The following DYNC2H1 variants were observed in gnomAD, a reference collection of about 807,000 sequenced individuals.
DYNC2H1 encodes dynein cytoplasmic 2 heavy chain 1.
DYNC2H1 carries 410 observed loss-of-function variants against 570.0 expected under a neutral mutation model. The ratio of observed to expected loss-of-function variants is 0.72; its 90% confidence interval spans 0.66 to 0.78. DYNC2H1 has a LOEUF of 0.78. DYNC2H1 is among the 30% of genes least tolerant of loss of function. DYNC2H1 has a pLI of 0.00. For synonymous variants in DYNC2H1, 1,688 were observed against 1,677.6 expected (o/e 1.01, Z -0.15); for missense variants, 4,865 against 5,046.4 (o/e 0.96, Z 1.09).
chr11:103,256,378 G>A lies in DYNC2H1; in HGVS notation c.10461+138G>A. ...AGCTATTCAAAAACATCAGAACATT[G>A]GGTTTGATTCTAGTTATTGTAGAGA... is the stretch of plus-strand genomic sequence containing the variant. On this transcript the variant is annotated intron_variant, in intron 68 of 88. Coordinates refer to ENST00000375735, the MANE Select transcript of DYNC2H1 (RefSeq NM_001377.3). The surrounding 1 kb of genome is among the most constrained non-coding windows in gnomAD (Gnocchi z 4.0). 1 of 862,604 alleles carries A rather than the reference G, an allele frequency of 1.2e-6. No homozygotes were observed. The highest frequency in any genetic ancestry group is 1.9e-5 in the South Asian group (1 of 52,356). The allele number at this position is 862,604 out of a possible 1,614,324, so 53.4% of individuals were successfully genotyped here. A position where few individuals can be genotyped will look rare whatever the true frequency, so the allele number is the denominator to read the frequency against.
intron 46 of DYNC2H1, 23 bp downstream of exon 46, chr11:103,191,642 T>TTGTGTGTGTGTG (rs146014868): frequency 4.2e-5 from 58 of 1,368,472 alleles, no homozygotes; most frequent in South Asian, 4.0e-5. Context: ...AGTGTGTATC[T>TTGTGTGTGTGTG]TGTGTGTGTG....
chr11:103,131,612 T>C (rs1004220122), intron 13 of DYNC2H1, among the ~76,000 whole-genome samples: 1 of 152,168 alleles, frequency 6.6e-6, no homozygotes, highest in Non-Finnish European at 1.5e-5. Context: ...AGATTAGGTG[T>C]GCTGGTGACA....
chr11:103,376,875 T>A (rs1033130021), intron 83 of DYNC2H1, among the ~76,000 whole-genome samples: 1 of 152,236 alleles, frequency 6.6e-6, no homozygotes, highest in Non-Finnish European at 1.5e-5. Context: ...TCTTTATTTC[T>A]CCTTCATTTC....
intron 75 of DYNC2H1, among the ~76,000 whole-genome samples, chr11:103,288,813 G>A (rs762149525): frequency 1.8e-4 from 27 of 149,142 alleles, no homozygotes; most frequent in African/African-American, 3.2e-4. Context: ...CCCAGGAGGC[G>A]GAGGTTGCAA....
At chr11:103,116,779 CT>C in intron 5 of DYNC2H1, 65 bp downstream of exon 5, 1 of 1,424,500 alleles carries the variant, frequency 7.0e-7, no homozygotes, top group Non-Finnish European at 9.3e-7. Context: ...TCTTTTTATC[CT>C]TTAAGTCCTT....
At chr11:103,322,226 A>G (rs1161733042) in intron 81 of DYNC2H1, among the ~76,000 whole-genome samples, 2 of 152,134 alleles carry the variant, frequency 1.3e-5, no homozygotes, top group Non-Finnish European at 2.9e-5. Flanking sequence ...AGAACCTTAG[A>G]GGGAATGAAT....
In DYNC2H1 at chr11:103,439,113, AAGAT is replaced by A. The variant is rs1397081712; in HGVS notation, c.12456+3085_12456+3088del. Among the ~76,000 whole-genome samples the A allele has an allele frequency of 6.6e-6, 1 of 152,166 alleles. No homozygotes were observed. Among genetic ancestry groups the A allele is most frequent in the Non-Finnish European group, 1.5e-5 (1 of 68,022 alleles). On this transcript the variant is annotated intron_variant, in intron 85 of 88. Coordinates refer to ENST00000375735, the MANE Select transcript of DYNC2H1 (RefSeq NM_001377.3). The surrounding 1 kb of genome is among the most constrained non-coding windows in gnomAD (Gnocchi z 4.1). ...GGAACTATCCTTACAACTTATCAGAAAGATAGAACTGAATAAACAACAGTAAGAG... is the reference window on the plus strand; with the variant it reads ...GGAACTATCCTTACAACTTATCAGAAAGAACTGAATAAACAACAGTAAGAG...
At chr11:103,463,145 T>G (rs1945078269) in intron 87 of DYNC2H1, among the ~76,000 whole-genome samples, 1 of 152,220 alleles carries the variant, frequency 6.6e-6, no homozygotes. Flanking sequence ...ATTCATCCAC[T>G]CTTATCTAAA....
At chr11:103,424,705 C>CAAAA (rs72076859) in intron 84 of DYNC2H1, among the ~76,000 whole-genome samples, 5,749 of 130,872 alleles carry the variant, frequency 0.044, 360 homozygotes, top group African/African-American at 0.13. Context: ...ACTGGCTCTC[C>CAAAA]AAAAAAAAAA....
At chr11:103,432,555 G>C (rs140100096) in intron 84 of DYNC2H1, among the ~76,000 whole-genome samples, 1,995 of 152,058 alleles carry the variant, frequency 0.013, 46 homozygotes, top group African/African-American at 0.046. Flanking sequence ...ACTGATTTAC[G>C]ACCCATTGTG....
At chr11:103,198,588 A>G (rs1862593096) in intron 48 of DYNC2H1, among the ~76,000 whole-genome samples, 1 of 152,226 alleles carries the variant, frequency 6.6e-6, no homozygotes, top group Non-Finnish European at 1.5e-5. Context: ...GATTGCTTTA[A>G]AAATTAATAT....
rs1281458338 is a variant in DYNC2H1 at position 103,239,517 on chromosome 11, T to G, written c.9819+2978T>G. ...CTGTTAGATTCATGTGTTATCCCTTTTATAGATAAGGACATTGAGGCACAG... is the reference window on the plus strand; with the variant it reads ...CTGTTAGATTCATGTGTTATCCCTTGTATAGATAAGGACATTGAGGCACAG... On this transcript the variant is annotated intron_variant, in intron 63 of 88. Transcript: ENST00000375735. This position sits in a 1 kb window ranked among gnomAD's most constrained non-coding sequence, Gnocchi z 4.3. Among the ~76,000 whole-genome samples, 1 of 152,114 alleles carries G rather than the reference T, an allele frequency of 6.6e-6. No homozygotes were observed. Among genetic ancestry groups the G allele is most frequent in the African/African-American group, 2.4e-5 (1 of 41,446 alleles).
chr11:103,341,371 G>T (rs1253505335), intron 82 of DYNC2H1, among the ~76,000 whole-genome samples: 1 of 152,092 alleles, frequency 6.6e-6, no homozygotes, highest in African/African-American at 2.4e-5. Flanking sequence ...CTCAGTTGCA[G>T]ATTGAGATTA....
intron 17 of DYNC2H1, among the ~76,000 whole-genome samples, chr11:103,137,910 T>C (rs1175147460): frequency 1.3e-5 from 2 of 149,930 alleles, no homozygotes; most frequent in Non-Finnish European, 3.0e-5. Context: ...CATTGAGCAG[T>C]GGTTTGTAGT....
chr11:103,170,798 C>T lies in DYNC2H1; in HGVS notation c.5152-88C>T. On this transcript the variant is annotated intron_variant, in intron 33 of 88. Transcript: ENST00000375735. This position sits in a 1 kb window ranked among gnomAD's most constrained non-coding sequence, Gnocchi z 4.8. ...GAGGCATAGATGGGATAAATTATCA[C>T]CTTATCAATAAGTAACATTAAATAT... The T allele has an allele frequency of 8.4e-7, 1 of 1,193,866 alleles. No homozygotes were observed. The highest frequency in any genetic ancestry group is 1.1e-6 in the Non-Finnish European group (1 of 910,034). The allele number at this position is 1,193,866 out of a possible 1,614,324, so 74.0% of individuals were successfully genotyped here.
At chr11:103,113,778 C>A (rs1275783756) in intron 2 of DYNC2H1, 71 bp downstream of exon 2, 2 of 1,153,708 alleles carry the variant, frequency 1.7e-6, no homozygotes, top group South Asian at 2.0e-5. Flanking sequence ...ACATAAATAT[C>A]TATTTTTTAC....
intron 76 of DYNC2H1, among the ~76,000 whole-genome samples, chr11:103,303,670 G>A (rs1867147416): frequency 6.6e-6 from 1 of 151,992 alleles, no homozygotes; most frequent in South Asian, 2.1e-4. Flanking sequence ...AAAAAACAAG[G>A]GAAGAATTAT....
intron 17 of DYNC2H1, among the ~76,000 whole-genome samples, chr11:103,142,885 C>T (rs1328313365): frequency 2.6e-5 from 4 of 152,160 alleles, no homozygotes; most frequent in African/African-American, 4.8e-5. Flanking sequence ...TGACCAGTTT[C>T]TTAACTGCCA....
intron 83 of DYNC2H1, among the ~76,000 whole-genome samples, chr11:103,361,086 A>G (rs995831982): frequency 3.3e-5 from 5 of 152,320 alleles, no homozygotes; most frequent in Admixed American, 3.3e-4. Flanking sequence ...ATTGGAGTAT[A>G]GAGACCAAAG....
Sources: allele counts gnomAD v4.1 joint callset (sites outside exome capture counted in the v4.1 genomes callset), GRCh38; gene constraint gnomAD v4.1.1; non-coding constraint Gnocchi (gnomAD v3.1); transcripts MANE v1.5; gene names NCBI Gene and HGNC (gene_info 2026-07-23, HGNC 2026-07-21).